Variants in GPR37 observed in about 807,000 individuals in gnomAD.
GPR37 encodes the protein prosaposin receptor GPR37.
Under a neutral mutation model 43.6 loss-of-function variants are expected in GPR37, and 20 were observed. That is an observed-to-expected ratio of 0.46 (90% CI 0.32 to 0.67). The LOEUF (loss-of-function observed/expected upper bound fraction) is 0.67, where lower values mean the gene tolerates loss of function less well. Ranked by LOEUF, GPR37 falls within the 30% of genes least tolerant of loss-of-function variation. The pLI is 0.03. For missense variants in GPR37, 724 were observed against 797.2 expected, an observed-to-expected ratio of 0.91 and a Z score of 1.11; for synonymous variants, 315 against 322.6, an observed-to-expected ratio of 0.98 and a Z score of 0.25.
rs1044978470 is a variant in GPR37 at position 124,745,913 on chromosome 7, T to G, written c.*612A>C. The G allele has an allele frequency of 2.6e-5, 4 of 152,206 alleles. No homozygotes were observed. Among genetic ancestry groups the G allele is most frequent in the Non-Finnish European group, 5.9e-5 (4 of 68,024 alleles). The allele number at this position is 152,206 out of a possible 1,614,324, so 9.4% of individuals were successfully genotyped here. A position where few individuals can be genotyped will look rare whatever the true frequency, so the allele number is the denominator to read the frequency against. On this transcript the variant is annotated 3_prime_UTR_variant, in exon 2 of 2. Coordinates refer to ENST00000303921, the MANE Select transcript of GPR37 (RefSeq NM_005302.5). ...AAATACTGCTATTAGAAAAACTTCT[T>G]TATAACATAATGATTACCTGCCTTA...
At chr7:124,747,392 C>G (rs780488835) in intron 1 of GPR37, 49 bp from the exon 2 acceptor site, 2 of 1,212,044 alleles carry the variant, frequency 1.7e-6, no homozygotes, top group Non-Finnish European at 2.3e-6. Flanking sequence ...CCCGAAAGAT[C>G]AAAGCACTAG....
At chr7:124,753,633 T>C (rs189643785) in intron 1 of GPR37, among the ~76,000 whole-genome samples, 4 of 152,210 alleles carry the variant, frequency 2.6e-5, no homozygotes, top group Admixed American at 1.3e-4. Context: ...CTTTTAAATT[T>C]TGTTACAGAA....
At chr7:124,762,678 A>G (rs1404412754) in intron 1 of GPR37, among the ~76,000 whole-genome samples, 1 of 152,030 alleles carries the variant, frequency 6.6e-6, no homozygotes, top group Non-Finnish European at 1.5e-5. Context: ...CTAAAGCAGC[A>G]ACAGCTGATT....
rs1793653829 is a variant in GPR37 at position 124,744,947 on chromosome 7, T to C, written c.*1578A>G. The C allele has an allele frequency of 6.6e-6, 1 of 152,044 alleles. No individual in the cohort carries two copies. 9.4% of individuals were successfully genotyped at this position (152,044 alleles called of 1,614,324 possible). A position where few individuals can be genotyped will look rare whatever the true frequency, so the allele number is the denominator to read the frequency against. On this transcript the variant is annotated 3_prime_UTR_variant, in exon 2 of 2. Transcript: ENST00000303921. Reference sequence around the variant, plus strand: ...CTTGAGAAATTTTCCAAAGACCTATTACAGGGATCTACAAGAAGACAAGGG... The same window carrying C: ...CTTGAGAAATTTTCCAAAGACCTATCACAGGGATCTACAAGAAGACAAGGG...
At chr7:124,754,931 G>A (rs1201108851) in intron 1 of GPR37, among the ~76,000 whole-genome samples, 1 of 152,102 alleles carries the variant, frequency 6.6e-6, no homozygotes. Flanking sequence ...AGCAGTGGGA[G>A]ATACTTTTTT....
In GPR37 at chr7:124,746,426, C is replaced by T; in HGVS notation, c.*99G>A. 2.3e-6 allele frequency: 2 copies of T among 855,428 alleles called. No homozygotes were observed. Among genetic ancestry groups the T allele is most frequent in the South Asian group, 4.1e-5 (2 of 48,420 alleles). 53.0% of individuals were successfully genotyped at this position (855,428 alleles called of 1,614,324 possible). A position where few individuals can be genotyped will look rare whatever the true frequency, so the allele number is the denominator to read the frequency against. On this transcript the variant is annotated 3_prime_UTR_variant, in exon 2 of 2. Coordinates refer to ENST00000303921, the MANE Select transcript of GPR37 (RefSeq NM_005302.5). The stretch of plus-strand genomic sequence containing the variant: ...GTTAATATTTCTTTCTTTATTGTTT[C>T]TTTTTTGCATTTTTCCCTATAAGGA...
rs1301412211 is a variant in GPR37, at chr7:124,745,985, T to C, written c.*540A>G. ...AGTAAGGCCGGTTTTAAATTGTGCA[T>C]AGAACCAGTAATTGTATCTTTAAGG... On this transcript the variant is annotated 3_prime_UTR_variant, in exon 2 of 2. Transcript: ENST00000303921. The C allele has an allele frequency of 6.6e-6, 1 of 152,212 alleles. No individual in the cohort carries two copies. Among genetic ancestry groups the C allele is most frequent in the Non-Finnish European group, 1.5e-5 (1 of 68,038 alleles). The allele number at this position is 152,212 out of a possible 1,614,324, so 9.4% of individuals were successfully genotyped here. A position where few individuals can be genotyped will look rare whatever the true frequency, so the allele number is the denominator to read the frequency against.
chr7:124,745,614 G>T lies in GPR37; in HGVS notation c.*911C>A, dbSNP rs968435928. On this transcript the variant is annotated 3_prime_UTR_variant, in exon 2 of 2. Transcript: ENST00000303921. ...AAAATTAGAACTCAGAGTGCTTTACGTAGGATTCACAAAGCTTCAAAGGTC... is the reference window on the plus strand; with the variant it reads ...AAAATTAGAACTCAGAGTGCTTTACTTAGGATTCACAAAGCTTCAAAGGTC... 6.6e-6 allele frequency among the ~76,000 whole-genome samples: 1 copy of T among 152,098 alleles called. No homozygotes were observed. Among genetic ancestry groups the T allele is most frequent in the African/African-American group, 2.4e-5 (1 of 41,418 alleles).
intron 1 of GPR37, among the ~76,000 whole-genome samples, chr7:124,756,446 T>C (rs900255791): frequency 2.6e-5 from 4 of 152,162 alleles, no homozygotes; most frequent in African/African-American, 9.7e-5. Flanking sequence ...ACAGTGATCA[T>C]ATCCTGCGTT....
chr7:124,747,003 G>C lies in GPR37; in HGVS notation c.1364C>G (p.Thr455Arg). 6.2e-7 allele frequency: 1 copy of C among 1,613,950 alleles called. No homozygotes were observed. Among genetic ancestry groups the C allele is most frequent in the Non-Finnish European group, 8.5e-7 (1 of 1,179,908 alleles). The part of the protein sequence containing the change: ...WYFGCYFCLP[T>R]LFTITCSLVT... ...TAGAGAGCAGGTGATGGTGAAAAGC[G>C]TGGGCAAACAAAAGTAACAGCCAAA... Residue 455 changes from threonine to arginine, a missense_variant, in exon 2 of 2, where the codon ACG (threonine) becomes AGG (arginine). Thr to Arg is a moderately conservative substitution (Grantham distance 71). This residue lies in a region of GPR37 where 342 missense variants were observed against 441.8 expected (regional missense o/e 0.77). Transcript: ENST00000303921.
chr7:124,751,252 T>A (rs563564989), intron 1 of GPR37, among the ~76,000 whole-genome samples: 4 of 152,096 alleles, frequency 2.6e-5, no homozygotes, highest in African/African-American at 9.6e-5. Flanking sequence ...GCAGTTGCTC[T>A]TGGCAACTGC....
chr7:124,754,635 C>T (rs1438004626), intron 1 of GPR37, among the ~76,000 whole-genome samples: 1 of 152,120 alleles, frequency 6.6e-6, no homozygotes, highest in African/African-American at 2.4e-5. Flanking sequence ...TTGTTAACTG[C>T]ATTCTAGGCT....
intron 1 of GPR37, among the ~76,000 whole-genome samples, chr7:124,748,657 A>G: frequency 6.6e-6 from 1 of 152,192 alleles, no homozygotes; most frequent in East Asian, 1.9e-4. Flanking sequence ...GAAAATATGC[A>G]GAAAATAGCC....
intron 1 of GPR37, among the ~76,000 whole-genome samples, chr7:124,753,137 TTTCTC>T (rs1236829659): frequency 6.6e-6 from 1 of 152,072 alleles, no homozygotes; most frequent in Admixed American, 6.6e-5. Context: ...ATAGATAAAT[TTTCTC>T]TTATAATGAT....
chr7:124,758,565 T>C (rs1793818714), intron 1 of GPR37, among the ~76,000 whole-genome samples: 1 of 152,160 alleles, frequency 6.6e-6, no homozygotes. Flanking sequence ...GATAGTTGTA[T>C]GGCACTGTCA....
At chr7:124,748,044 T>G (rs1180066555) in intron 1 of GPR37, among the ~76,000 whole-genome samples, 1 of 151,820 alleles carries the variant, frequency 6.6e-6, no homozygotes, top group Non-Finnish European at 1.5e-5. Context: ...CTGGTGAGGG[T>G]TTCAAGTTAG....
In GPR37 at chr7:124,765,065, A is replaced by G. The variant is rs1023101178; in HGVS notation, c.-89T>C. On this transcript the variant is annotated 5_prime_UTR_variant, in exon 1 of 2. The change abolishes an upstream ATG in the 5' untranslated region. Coordinates refer to ENST00000303921, the MANE Select transcript of GPR37 (RefSeq NM_005302.5). ...GAAGTTGCTGCTGAGAGTTAGGCAC[A>G]TGTCACATACTCACCCCCGCCCGGG... 1 of 1,258,088 alleles carries G rather than the reference A, an allele frequency of 7.9e-7. No homozygotes were observed. The highest frequency in any genetic ancestry group is 1.1e-6 in the Non-Finnish European group (1 of 947,618). 77.9% of individuals were successfully genotyped at this position (1,258,088 alleles called of 1,614,324 possible).
At chr7:124,758,935 CCAA>C (rs1331055040) in intron 1 of GPR37, among the ~76,000 whole-genome samples, 1 of 152,158 alleles carries the variant, frequency 6.6e-6, no homozygotes, top group Non-Finnish European at 1.5e-5. Context: ...TTCAAAACCT[CCAA>C]TTAATGTCCA....
chr7:124,747,921 A>G lies in GPR37; in HGVS notation c.1024-578T>C, dbSNP rs182068241. 1.3e-3 allele frequency among the ~76,000 whole-genome samples: 194 copies of G among 152,282 alleles called. 1 individual carries two copies. The highest frequency in any genetic ancestry group is 2.2e-3 in the Non-Finnish European group (151 of 67,994). ...TTTCAAAGGCATACACTTACGGAAA[A>G]CAAGAAAGGGAAATTCTCCAGAGGC... On this transcript the variant is annotated intron_variant, in intron 1 of 1. Coordinates refer to ENST00000303921, the MANE Select transcript of GPR37 (RefSeq NM_005302.5).
Sources: allele counts gnomAD v4.1 joint callset (sites outside exome capture counted in the v4.1 genomes callset), GRCh38; gene constraint gnomAD v4.1.1; regional missense constraint gnomAD v4.1.1; transcripts MANE v1.5; gene names NCBI Gene and HGNC (gene_info 2026-07-23, HGNC 2026-07-21).